The following GNL2 variants were observed in gnomAD, a reference collection of about 807,000 sequenced individuals.
GNL2 encodes the protein G protein nucleolar 2.
GNL2 carries 51 observed loss-of-function variants against 92.3 expected under a neutral mutation model. The ratio of observed to expected loss-of-function variants is 0.55; its 90% confidence interval spans 0.44 to 0.70. The LOEUF (loss-of-function observed/expected upper bound fraction) is 0.70. GNL2 is among the 30% of genes least tolerant of loss of function. The pLI is 0.00. For missense variants in GNL2, 844 were observed against 895.6 expected, an observed-to-expected ratio of 0.94 and a Z score of 0.74; for synonymous variants, 283 against 300.6, an observed-to-expected ratio of 0.94 and a Z score of 0.61.
chr1:37,569,202 A>G lies in GNL2; in HGVS notation c.1517T>C (p.Ile506Thr). The change falls in exon 13 of 16, where the codon ATT becomes ACT. Residue 506 changes from isoleucine (I) to threonine (T), a missense_variant. Transcript: ENST00000373062. ...ACTGTTCTCTTCTGTTTCTTCCTTA[A>G]TGATGGATTCTGACCCTTCACCTGC... Reference protein sequence around the residue: ...ETAGEGSESIIKEETEENSHC... With the variant: ...ETAGEGSESITKEETEENSHC... The G allele has an allele frequency of 6.2e-7, 1 of 1,613,918 alleles. No homozygotes were observed. The highest frequency in any genetic ancestry group is 8.5e-7 in the Non-Finnish European group (1 of 1,179,858).
Position 37,567,672 on chromosome 1 carries a change from CTTCTT to C in GNL2, c.2039_2043del (p.Lys680ThrfsTer19). 6.3e-7 allele frequency: 1 copy of C among 1,599,758 alleles called. No homozygotes were observed. The highest frequency in any genetic ancestry group is 8.6e-7 in the Non-Finnish European group (1 of 1,166,884). On this transcript the variant is annotated frameshift_variant and splice_region_variant, in exon 15 of 16. Transcript: ENST00000373062. LOFTEE classifies it high-confidence loss of function. ...CCATACTTAAAACCTATGACACTTA[CTTCTT>C]TTGATGTAAGCGCCCTGGGAGCTTT...
intron 7 of GNL2, 126 bp downstream of exon 7, chr1:37,582,652 G>A (rs1365476445): frequency 2.3e-5 from 19 of 818,298 alleles, no homozygotes; most frequent in Non-Finnish European, 3.4e-5. Flanking sequence ...GCACACTTTC[G>A]TGTTTCCAAT....
chr1:37,593,697 T>A, intron 2 of GNL2, 65 bp downstream of exon 2: 1 of 1,090,714 alleles, frequency 9.2e-7, no homozygotes, highest in African/African-American at 1.5e-5. Flanking sequence ...AAAGGCTTCA[T>A]CAGTCTCAGC....
Position 37,567,047 on chromosome 1 carries a change from C to A in GNL2, c.2044-40G>T, listed in dbSNP as rs377462373. The A allele has an allele frequency of 7.5e-6, 12 of 1,597,134 alleles. No homozygotes were observed. The African/African-American group carries it at 1.5e-4, about 20-fold the overall frequency. On this transcript the variant is annotated intron_variant, in intron 15 of 15. Coordinates refer to ENST00000373062, the MANE Select transcript of GNL2 (RefSeq NM_013285.3). ...AAGAAAAGATGAAGAAAAAAAACAA[C>A]AAAACCCTGAAAGTCATTCACAAAA... is the stretch of plus-strand genomic sequence containing the variant.
At chr1:37,568,778 G>A in intron 13 of GNL2, 73 bp downstream of exon 13, 1 of 1,029,846 alleles carries the variant, frequency 9.7e-7, no homozygotes, top group Non-Finnish European at 1.5e-6. Context: ...GTAAAAATAT[G>A]GCTCTGGTAC....
chr1:37,570,379 A>C (rs1300481363), intron 12 of GNL2: 1 of 152,118 alleles, frequency 6.6e-6, no homozygotes, highest in Non-Finnish European at 1.5e-5. Context: ...AAAATACAAA[A>C]ATTAGCTGGG....
intron 4 of GNL2, among the ~76,000 whole-genome samples, chr1:37,590,073 T>C (rs1449034117): frequency 6.6e-6 from 1 of 152,234 alleles, no homozygotes; most frequent in Non-Finnish European, 1.5e-5. Flanking sequence ...AGATGCTTCA[T>C]CTGTAGCCAA....
intron 8 of GNL2, chr1:37,581,242 T>C: frequency 2.5e-6 from 1 of 405,274 alleles, no homozygotes; most frequent in Non-Finnish European, 4.9e-6. Context: ...TTGGAAGCAT[T>C]TGCTTCTGTA....
At chr1:37,595,628 C>A in intron 1 of GNL2, 131 bp downstream of exon 1, 1 of 772,532 alleles carries the variant, frequency 1.3e-6, no homozygotes, top group East Asian at 2.7e-5. Context: ...TTTTCATCCC[C>A]AACAGCCACC....
chr1:37,593,862 G>A lies in GNL2; in HGVS notation c.65-16C>T. 1 of 1,587,916 alleles carries A rather than the reference G, an allele frequency of 6.3e-7. No homozygotes were observed. The highest frequency in any genetic ancestry group is 8.6e-7 in the Non-Finnish European group (1 of 1,156,424). ...TGCACTCGATCTACAAAAGGCAGAA[G>A]TACACAGTGCACTATTTGATAACCA... On this transcript the variant is annotated splice_polypyrimidine_tract_variant and intron_variant, in intron 1 of 15. Coordinates refer to ENST00000373062, the MANE Select transcript of GNL2 (RefSeq NM_013285.3).
rs1570076386 is a variant in GNL2, at chr1:37,593,535, T to C, written c.149+227A>G. Reference sequence around the variant, plus strand: ...GGTCAGGGCTGTGAGAAACAAGACCTCTACTTTTGAGTATTGTGAAACCAT... The same window carrying C: ...GGTCAGGGCTGTGAGAAACAAGACCCCTACTTTTGAGTATTGTGAAACCAT... On this transcript the variant is annotated intron_variant, in intron 2 of 15. Transcript: ENST00000373062. 4 of 474,418 alleles carry C rather than the reference T, an allele frequency of 8.4e-6. No individual in the cohort carries two copies. In the East Asian group the frequency reaches 1.4e-4, roughly 16 times the overall value. 29.4% of individuals were successfully genotyped at this position (474,418 alleles called of 1,614,324 possible). A position where few individuals can be genotyped will look rare whatever the true frequency, so the allele number is the denominator to read the frequency against.
chr1:37,584,604 T>C (rs1643823375), intron 5 of GNL2, among the ~76,000 whole-genome samples: 1 of 151,850 alleles, frequency 6.6e-6, no homozygotes, highest in Non-Finnish European at 1.5e-5. Flanking sequence ...CCTAAACCAG[T>C]CAAATTCATG....
chr1:37,567,408 C>T (rs1225342129), intron 15 of GNL2, among the ~76,000 whole-genome samples: 3 of 152,098 alleles, frequency 2.0e-5, no homozygotes, highest in Admixed American at 6.6e-5. Context: ...CTCATTGGGT[C>T]GTTTCCCTTG....
At chr1:37,589,358 G>A (rs774141635) in intron 4 of GNL2, among the ~76,000 whole-genome samples, 32 of 152,206 alleles carry the variant, frequency 2.1e-4, no homozygotes, top group South Asian at 1.0e-3. Context: ...GGGCTGGCAC[G>A]CAGTGGCGCA....
Position 37,568,257 on chromosome 1 carries a change from GA to G in GNL2, c.1951+17del. On this transcript the variant is annotated intron_variant, in intron 14 of 15. Transcript: ENST00000373062. Reference sequence around the variant, plus strand: ...ATATGCAAATTACATCTAAATGATTGAAATAATTTAACTTCACCTCTGTCAT... The same window carrying G: ...ATATGCAAATTACATCTAAATGATTGAATAATTTAACTTCACCTCTGTCAT... 6.8e-7 allele frequency: 1 copy of G among 1,475,602 alleles called. No homozygotes were observed. The highest frequency in any genetic ancestry group is 9.5e-7 in the Non-Finnish European group (1 of 1,054,176). 91.4% of individuals were successfully genotyped at this position (1,475,602 alleles called of 1,614,324 possible).
Position 37,575,178 on chromosome 1 carries a change from G to A in GNL2, c.1144-355C>T, listed in dbSNP as rs1017825755. Among the ~76,000 whole-genome samples, 2 of 152,196 alleles carry A rather than the reference G, an allele frequency of 1.3e-5. No homozygotes were observed. Among genetic ancestry groups the A allele is most frequent in the Non-Finnish European group, 2.9e-5 (2 of 68,034 alleles). ...TGGAATAGTTTAAGAAAGGAGAGGA[G>A]GAATGTGTACAGGATGTATAGCCAG... On this transcript the variant is annotated intron_variant, in intron 10 of 15. Coordinates refer to ENST00000373062, the MANE Select transcript of GNL2 (RefSeq NM_013285.3). This position sits in a 1 kb window ranked among gnomAD's most constrained non-coding sequence, Gnocchi z 4.1.
At chr1:37,582,635 T>C (rs941166287) in intron 7 of GNL2, 143 bp downstream of exon 7, 1 of 726,644 alleles carries the variant, frequency 1.4e-6, no homozygotes, top group Non-Finnish European at 2.2e-6. Context: ...CTGCCCACTA[T>C]CAATGAGCAC....
intron 3 of GNL2, among the ~76,000 whole-genome samples, chr1:37,592,017 T>C (rs1643890633): frequency 6.6e-6 from 1 of 152,188 alleles, no homozygotes; most frequent in African/African-American, 2.4e-5. Flanking sequence ...TTTTGACACC[T>C]TTCTGTGTTG....
intron 8 of GNL2, among the ~76,000 whole-genome samples, chr1:37,577,235 C>G (rs1643692432): frequency 6.6e-6 from 1 of 152,170 alleles, no homozygotes; most frequent in African/African-American, 2.4e-5. Context: ...GACAATCCCA[C>G]AACTCACCCC....
Sources: gnomAD v4.1 joint callset for allele counts (sites outside exome capture counted in the v4.1 genomes callset) on GRCh38, gnomAD v4.1.1 for gene constraint, Gnocchi (gnomAD v3.1) non-coding constraint, MANE v1.5 for transcripts, NCBI Gene and HGNC (gene_info 2026-07-23, HGNC 2026-07-21) for gene names.